SNX29: variants seen among roughly 807,000 people sequenced by gnomAD.
SNX29 encodes sorting nexin 29.
A neutral mutation model predicts 102.1 loss-of-function variants in SNX29; 78 were observed. The observed-to-expected ratio is 0.76, with a 90% CI of 0.64 to 0.92. The LOEUF (loss-of-function observed/expected upper bound fraction) is 0.92. SNX29 is among the 40% of genes least tolerant of loss of function. The probability of loss-of-function intolerance (pLI) is 0.00; values close to 1 mark genes in which losing one functional copy is unlikely to be tolerated. For synonymous variants in SNX29, 580 were observed against 414.5 expected (o/e 1.40, Z -4.85); for missense variants, 1,280 against 1,061.7 (o/e 1.21, Z -2.86).
In SNX29 at chr16:12,569,645, CCT is replaced by C. The variant is rs546610749; in HGVS notation, c.*1019_*1020del. 386 of 228,750 alleles carry C rather than the reference CCT, an allele frequency of 1.7e-3. No homozygotes were observed. The highest frequency in any genetic ancestry group is 8.3e-3 in the African/African-American group (372 of 45,044). 14.2% of individuals were successfully genotyped at this position (228,750 alleles called of 1,614,324 possible). ...AACTCTGCATCCCCTAAGACAGAGT[CCT>C]CTGTTCCTCCCATGTCAGGTGGCTC... is the stretch of plus-strand genomic sequence containing the variant. On this transcript the variant is annotated 3_prime_UTR_variant, in exon 21 of 21. Coordinates refer to ENST00000566228, the MANE Select transcript of SNX29 (RefSeq NM_032167.5).
chr16:12,539,970 A>G (rs183245116), intron 20 of SNX29, among the ~76,000 whole-genome samples: 26 of 152,294 alleles, frequency 1.7e-4, no homozygotes, highest in South Asian at 8.3e-4. Context: ...TGAGTTGCAC[A>G]TATTTTCTTC....
intron 14 of SNX29, among the ~76,000 whole-genome samples, chr16:12,252,993 T>C (rs954778370): frequency 6.6e-6 from 1 of 152,178 alleles, no homozygotes; most frequent in African/African-American, 2.4e-5. Context: ...GTTCTTGCGT[T>C]GGGTTTGAGA....
chr16:12,442,287 C>G (rs1383794735), intron 18 of SNX29, among the ~76,000 whole-genome samples: 1 of 152,200 alleles, frequency 6.6e-6, no homozygotes, highest in Admixed American at 6.5e-5. Context: ...CTATGCCTGT[C>G]CTTCTGACAG....
intron 4 of SNX29, among the ~76,000 whole-genome samples, chr16:12,032,652 T>G (rs1339230914): frequency 6.6e-6 from 1 of 152,082 alleles, no homozygotes; most frequent in Non-Finnish European, 1.5e-5. Context: ...CAAATACTTG[T>G]TTTTTCCACT....
At chr16:12,121,941 G>C (rs1350556177) in intron 11 of SNX29, among the ~76,000 whole-genome samples, 2 of 151,922 alleles carry the variant, frequency 1.3e-5, no homozygotes, top group Admixed American at 6.6e-5. Flanking sequence ...TCAACCTCCC[G>C]AGTACCCAGG....
At chr16:12,150,779 A>G (rs2055265975) in intron 13 of SNX29, among the ~76,000 whole-genome samples, 1 of 152,224 alleles carries the variant, frequency 6.6e-6, no homozygotes, top group African/African-American at 2.4e-5. Flanking sequence ...GTTTGGGTTC[A>G]TTTGTGCAGA....
rs2077163771 is a variant in SNX29, at chr16:12,538,181, T to C, written c.2318+13340T>C. Among the ~76,000 whole-genome samples, 3 of 152,300 alleles carry C rather than the reference T, an allele frequency of 2.0e-5. No homozygotes were observed. In the South Asian group the frequency reaches 6.2e-4, roughly 32 times the overall value. ...CCCAGAATAGAGTGCAGTGGTGTGA[T>C]CTAGGCTCACCGCAAGCTCTGTGTT... On this transcript the variant is annotated intron_variant, in intron 20 of 20. Coordinates refer to ENST00000566228, the MANE Select transcript of SNX29 (RefSeq NM_032167.5).
intron 16 of SNX29, among the ~76,000 whole-genome samples, chr16:12,396,984 C>T (rs2083746809): frequency 6.6e-6 from 1 of 152,232 alleles, no homozygotes. Flanking sequence ...CTCCAGGACT[C>T]AAGTGATGCT....
chr16:12,378,818 G>GCCCAGTCCC (rs2082972691), intron 16 of SNX29, among the ~76,000 whole-genome samples: 2 of 151,994 alleles, frequency 1.3e-5, no homozygotes, highest in African/African-American at 4.8e-5. Context: ...AGCCCAGTCC[G>GCCCAGTCCC]TCTCCCCTCA....
intron 15 of SNX29, among the ~76,000 whole-genome samples, chr16:12,338,399 T>G (rs187406742): frequency 4.6e-5 from 7 of 152,222 alleles, no homozygotes; most frequent in East Asian, 3.9e-4. Flanking sequence ...GGGACTGCCT[T>G]CCTTGGCTGC....
At chr16:12,086,060 G>A (rs921031385) in intron 11 of SNX29, among the ~76,000 whole-genome samples, 1 of 146,700 alleles carries the variant, frequency 6.8e-6, no homozygotes, top group African/African-American at 2.5e-5. Context: ...CTGGAGGGCA[G>A]TGGCGTGATC....
At chr16:12,366,636 T>A (rs1431085638) in intron 16 of SNX29, among the ~76,000 whole-genome samples, 6 of 152,202 alleles carry the variant, frequency 3.9e-5, no homozygotes, top group Admixed American at 2.0e-4. Flanking sequence ...GCACTGCCTT[T>A]CCCAGGAACT....
chr16:12,571,413 G>A lies in SNX29; in HGVS notation c.*2784G>A, dbSNP rs1448759352. The A allele has an allele frequency of 3.9e-5, 9 of 232,758 alleles. No individual in the cohort carries two copies. The highest frequency in any genetic ancestry group is 5.1e-5 in the Non-Finnish European group (6 of 118,382). 14.4% of individuals were successfully genotyped at this position (232,758 alleles called of 1,614,324 possible). A position where few individuals can be genotyped will look rare whatever the true frequency, so the allele number is the denominator to read the frequency against. ...AAAGGATTGCTTGCACCTCACATCT[G>A]TCTTCTTCTAAGATTACTCGGAGAT... On this transcript the variant is annotated 3_prime_UTR_variant, in exon 21 of 21. Transcript: ENST00000566228.
chr16:12,329,113 A>G (rs2081215792), intron 15 of SNX29, among the ~76,000 whole-genome samples: 1 of 151,756 alleles, frequency 6.6e-6, no homozygotes, highest in African/African-American at 2.4e-5. Context: ...CTCTACAAAA[A>G]ATAGAAAACA....
intron 19 of SNX29, among the ~76,000 whole-genome samples, chr16:12,509,622 C>G (rs903017449): frequency 6.6e-6 from 1 of 152,102 alleles, no homozygotes. Flanking sequence ...ACCTCAGATA[C>G]AAAAATGTGA....
chr16:12,112,702 G>A (rs973317742), intron 11 of SNX29, among the ~76,000 whole-genome samples: 1 of 152,152 alleles, frequency 6.6e-6, no homozygotes, highest in African/African-American at 2.4e-5. Flanking sequence ...GTGAAAGGGT[G>A]CTAAATCCTT....
intron 8 of SNX29, among the ~76,000 whole-genome samples, chr16:12,056,552 A>T (rs1204994956): frequency 1.3e-5 from 2 of 152,192 alleles, no homozygotes; most frequent in Non-Finnish European, 2.9e-5. Flanking sequence ...AGGGGAATGC[A>T]GCCAGACCAG....
intron 15 of SNX29, among the ~76,000 whole-genome samples, chr16:12,300,334 TC>T (rs1364418761): frequency 6.6e-6 from 1 of 152,222 alleles, no homozygotes; most frequent in Admixed American, 6.5e-5. Context: ...GATCACATTT[TC>T]CTTCCTGTCC....
At position 12,356,209 on chromosome 16, in the gene SNX29, A is replaced by T; in HGVS notation, c.1829A>T (p.His610Leu). 2 of 1,613,518 alleles carry T rather than the reference A, an allele frequency of 1.2e-6. No homozygotes were observed. The highest frequency in any genetic ancestry group is 1.3e-5 in the African/African-American group (1 of 75,054). Residue 610 changes from histidine to leucine, a missense_variant, in exon 16 of 21, where the codon CAC (histidine) becomes CTC (leucine). His to Leu is a moderately conservative substitution (Grantham distance 99, BLOSUM62 -3). Coordinates refer to ENST00000566228, the MANE Select transcript of SNX29 (RefSeq NM_032167.5). ...CTGATTGAGTTCAACGAGCGCCTGC[A>T]CAGGGCCCTGGTAGCCAAGGAAGCC... ...GELIEFNERL[H>L]RALVAKEALV...
Sources: allele counts gnomAD v4.1 joint callset (sites outside exome capture counted in the v4.1 genomes callset), GRCh38; gene constraint gnomAD v4.1.1; transcripts MANE v1.5; gene names NCBI Gene and HGNC (gene_info 2026-07-23, HGNC 2026-07-21).